KATNAL2: variants seen among roughly 807,000 people sequenced by gnomAD.
KATNAL2 encodes the protein katanin p60 ATPase-containing subunit A-like 2.
In KATNAL2, 52 loss-of-function variants were observed where a neutral mutation model predicts 76.3. The observed-to-expected ratio is 0.68, with a 90% CI of 0.55 to 0.86. The LOEUF is 0.86. Among genes scored for constraint, KATNAL2 ranks in the 40% least tolerant of loss-of-function variants. KATNAL2 has a pLI of 0.00. For missense variants in KATNAL2, 660 were observed against 668.9 expected (o/e 0.99, Z 0.15); for synonymous variants, 243 against 244.2 (o/e 1.00, Z 0.05).
At chr18:47,076,032 AG>A (rs1252322056) in intron 14 of KATNAL2, 2 of 152,320 alleles carry the variant, frequency 1.3e-5, no homozygotes, top group East Asian at 3.9e-4. Context: ...TGTCTTGATC[AG>A]AGGTATTTTC....
chr18:47,069,647 C>A, intron 13 of KATNAL2, 47 bp downstream of exon 13: 1 of 1,259,576 alleles, frequency 7.9e-7, no homozygotes, highest in Non-Finnish European at 1.1e-6. Flanking sequence ...TAGTGTAATA[C>A]AGTGGTACAA....
intron 3 of KATNAL2, among the ~76,000 whole-genome samples, chr18:46,959,552 T>C (rs1324086630): frequency 6.6e-6 from 1 of 152,226 alleles, no homozygotes; most frequent in African/African-American, 2.4e-5. Context: ...TTTGTAAAAA[T>C]AATGTTTGTT....
At chr18:46,948,236 G>C (rs990929318) in intron 3 of KATNAL2, among the ~76,000 whole-genome samples, 1 of 151,800 alleles carries the variant, frequency 6.6e-6, no homozygotes, top group African/African-American at 2.4e-5. Context: ...TCAGCCTCCC[G>C]AGTAGCTGGG....
chr18:47,031,750 G>A (rs2060464592), intron 3 of KATNAL2, among the ~76,000 whole-genome samples: 1 of 152,228 alleles, frequency 6.6e-6, no homozygotes, highest in South Asian at 2.1e-4. Flanking sequence ...AAGTGCTGAG[G>A]TAGGGCCTTG....
intron 1 of KATNAL2, among the ~76,000 whole-genome samples, chr18:46,927,687 C>G (rs1306602407): frequency 6.6e-6 from 1 of 152,170 alleles, no homozygotes; most frequent in African/African-American, 2.4e-5. Flanking sequence ...TGTTTTCCAA[C>G]TTGGTTCCAT....
At chr18:47,096,117 A>C (rs1192932243) in intron 15 of KATNAL2, among the ~76,000 whole-genome samples, 1 of 152,170 alleles carries the variant, frequency 6.6e-6, no homozygotes, top group Non-Finnish European at 1.5e-5. Context: ...GGGTTAGACA[A>C]ACAATAGGAG....
rs1182773775 is a variant in KATNAL2 at position 47,084,444 on chromosome 18, T to C, written c.1211+6983T>C. ...TTTTCCAAAAGCAGTCTGCCACAGG[T>C]CAGCAAGCATTGTGCAAAAAATGAG... On this transcript the variant is annotated intron_variant, in intron 15 of 17. Coordinates refer to ENST00000683218, the MANE Select transcript of KATNAL2 (RefSeq NM_001387690.1). 2.4e-5 allele frequency: 17 copies of C among 701,706 alleles called. No individual in the cohort carries two copies. In the East Asian group the frequency reaches 4.6e-4, roughly 19 times the overall value. The allele number at this position is 701,706 out of a possible 1,614,324, so 43.5% of individuals were successfully genotyped here. A position where few individuals can be genotyped will look rare whatever the true frequency, so the allele number is the denominator to read the frequency against.
At chr18:46,923,660 A>C (rs924803057) in intron 1 of KATNAL2, among the ~76,000 whole-genome samples, 2 of 152,186 alleles carry the variant, frequency 1.3e-5, no homozygotes, top group African/African-American at 4.8e-5. Flanking sequence ...ACTGACTTCC[A>C]CAATGGTTGA....
intron 15 of KATNAL2, among the ~76,000 whole-genome samples, chr18:47,092,586 A>T (rs2063049057): frequency 6.6e-6 from 1 of 152,078 alleles, no homozygotes; most frequent in African/African-American, 2.4e-5. Context: ...CACAACTGTT[A>T]ACTGTCTAGA....
At chr18:46,939,262 G>T (rs974522262) in intron 1 of KATNAL2, among the ~76,000 whole-genome samples, 59 of 151,766 alleles carry the variant, frequency 3.9e-4, no homozygotes, top group Non-Finnish European at 8.8e-5. Context: ...GAACCCGGGA[G>T]GCGGAGGTTG....
At chr18:46,932,758 GT>G (rs1205123979) in intron 1 of KATNAL2, among the ~76,000 whole-genome samples, 1 of 147,688 alleles carries the variant, frequency 6.8e-6, no homozygotes. Context: ...GGCAAAGGTA[GT>G]TTTTTTGTTT....
chr18:47,099,364 T>C lies in KATNAL2; in HGVS notation c.1333T>C (p.Leu445=), dbSNP rs1232744059. 4 of 1,613,980 alleles carry C rather than the reference T, an allele frequency of 2.5e-6. No individual in the cohort carries two copies. Among genetic ancestry groups the C allele is most frequent in the Non-Finnish European group, 3.4e-6 (4 of 1,179,902 alleles). ...WLPPVSKSRA[L]ELHTELEYSV... ...GCCTCCTGTGAGCAAGAGCAGGGCC[T>C]TGGAGCTGCACACAGAGCTGGAGTA... The change falls in exon 16 of 18, where the codon TTG becomes CTG. Residue 445 remains leucine, a synonymous_variant. Coordinates refer to ENST00000683218, the MANE Select transcript of KATNAL2 (RefSeq NM_001387690.1).
Position 46,946,275 on chromosome 18 carries a change from G to T in KATNAL2, c.-291G>T. The T allele has an allele frequency of 9.2e-7, 1 of 1,087,122 alleles. No homozygotes were observed. The highest frequency in any genetic ancestry group is 1.1e-6 in the Non-Finnish European group (1 of 886,894). 67.3% of individuals were successfully genotyped at this position (1,087,122 alleles called of 1,614,324 possible). A position where few individuals can be genotyped will look rare whatever the true frequency, so the allele number is the denominator to read the frequency against. Reference sequence around the variant, plus strand: ...TGTTTTTCCACGTCTAATGAGAACAGGTCTGATGTGAAAGGAATTGGAGGA... The same window carrying T: ...TGTTTTTCCACGTCTAATGAGAACATGTCTGATGTGAAAGGAATTGGAGGA... On this transcript the variant is annotated 5_prime_UTR_variant, in exon 2 of 18. In the 5' UTR this introduces an upstream ATG that the reference lacks. Transcript: ENST00000683218.
At chr18:46,936,282 G>C (rs541346411) in intron 1 of KATNAL2, among the ~76,000 whole-genome samples, 1 of 152,224 alleles carries the variant, frequency 6.6e-6, no homozygotes, top group Admixed American at 6.5e-5. Flanking sequence ...TGGATTATTT[G>C]TAAAAGTTTA....
rs551823260 is a variant in KATNAL2, at chr18:47,052,076, C to T, written c.123-804C>T. The stretch of plus-strand genomic sequence containing the variant: ...GTATGCTAATTTGCACATGTGCACA[C>T]TTTTCAGGAGAAAATTGTTGGTTTT... On this transcript the variant is annotated intron_variant, in intron 4 of 17. Transcript: ENST00000683218. Among the ~76,000 whole-genome samples the T allele has an allele frequency of 2.6e-5, 4 of 152,334 alleles. No homozygotes were observed. In the South Asian group the frequency reaches 8.3e-4, roughly 32 times the overall value.
chr18:47,082,508 G>A (rs2062576795), intron 15 of KATNAL2, among the ~76,000 whole-genome samples: 2 of 152,044 alleles, frequency 1.3e-5, no homozygotes, highest in African/African-American at 4.8e-5. Flanking sequence ...TAAAATAACT[G>A]AACTTGGTTT....
intron 3 of KATNAL2, among the ~76,000 whole-genome samples, chr18:46,953,380 C>T (rs2059625744): frequency 6.6e-6 from 1 of 152,148 alleles, no homozygotes; most frequent in African/African-American, 2.4e-5. Context: ...TGGCTCACAC[C>T]ACTAATGCCA....
rs958033975 is a variant in KATNAL2 at position 46,946,323 on chromosome 18, C to T, written c.-243C>T. 3.2e-5 allele frequency: 33 copies of T among 1,035,626 alleles called. No individual in the cohort carries two copies. The Admixed American group carries it at 6.3e-4, about 20-fold the overall frequency. 64.2% of individuals were successfully genotyped at this position (1,035,626 alleles called of 1,614,324 possible). On this transcript the variant is annotated 5_prime_UTR_variant, in exon 2 of 18. Transcript: ENST00000683218. ...GGAGAAGGGGAAGTTTGGTGATGCA[C>T]AGTTTGCATCCCAGAAGGCTCTTGA...
At chr18:46,929,992 C>T (rs1010635474) in intron 1 of KATNAL2, among the ~76,000 whole-genome samples, 2 of 152,048 alleles carry the variant, frequency 1.3e-5, no homozygotes, top group Non-Finnish European at 2.9e-5. Flanking sequence ...CCAGGCTGGT[C>T]TCGAACACTT....
Sources: gnomAD v4.1 joint callset for allele counts (sites outside exome capture counted in the v4.1 genomes callset) on GRCh38, gnomAD v4.1.1 for gene constraint, MANE v1.5 for transcripts, NCBI Gene and HGNC (gene_info 2026-07-23, HGNC 2026-07-21) for gene names.